ZNF469: variants seen among roughly 807,000 people sequenced by gnomAD.
ZNF469 encodes zinc finger protein 469.
A neutral mutation model predicts 1.0 loss-of-function variants in ZNF469; 1 was observed. That is an observed-to-expected ratio of 1.00 (90% confidence interval 0.35 to 4.73). The LOEUF is 4.73. Ranked by LOEUF, ZNF469 falls within the 30% of genes most tolerant of loss-of-function variation. The pLI is 0.16. For synonymous variants in ZNF469, 2,703 were observed against 2,363.4 expected (o/e 1.14, Z -4.17); for missense variants, 6,100 against 5,356.3 (o/e 1.14, Z -4.33).
chr16:88,263,046 C>A, the ZNF469 span, among the ~76,000 whole-genome samples: 1 of 152,200 alleles, frequency 6.6e-6, no homozygotes. Context: ...CTGTGAAAAT[C>A]CGGACTTTGA....
chr16:88,109,063 C>T, the ZNF469 span, among the ~76,000 whole-genome samples: 1 of 152,194 alleles, frequency 6.6e-6, no homozygotes, highest in South Asian at 2.1e-4. Flanking sequence ...TACGCAAAAG[C>T]AGAGAACAAA....
the ZNF469 span, among the ~76,000 whole-genome samples, chr16:88,341,899 G>C: frequency 2.6e-5 from 4 of 152,194 alleles, no homozygotes; most frequent in Non-Finnish European, 5.9e-5. Flanking sequence ...AAGGGCGCTG[G>C]CCATCTGGGA....
chr16:88,250,957 A>C, the ZNF469 span, among the ~76,000 whole-genome samples: 1 of 152,140 alleles, frequency 6.6e-6, no homozygotes, highest in Non-Finnish European at 1.5e-5. Context: ...GGCTCACTGC[A>C]AACTCTGCCT....
At chr16:88,405,915 C>T (rs1225566713) in intron 1 of ZNF469, among the ~76,000 whole-genome samples, 2 of 152,238 alleles carry the variant, frequency 1.3e-5, no homozygotes, top group Non-Finnish European at 2.9e-5. Flanking sequence ...CGACCCCCGC[C>T]CCCAAAACAC....
chr16:88,139,794 AC>A, the ZNF469 span, among the ~76,000 whole-genome samples: 1 of 152,218 alleles, frequency 6.6e-6, no homozygotes, highest in East Asian at 1.9e-4. Context: ...GAATCTCCAG[AC>A]CTTCTCGACA....
At chr16:88,312,286 C>T in the ZNF469 span, among the ~76,000 whole-genome samples, 33 of 152,320 alleles carry the variant, frequency 2.2e-4, no homozygotes, top group Non-Finnish European at 2.8e-4. Context: ...CCTATCAGTA[C>T]GGTAGTTCTA....
At chr16:88,307,005 C>A in the ZNF469 span, among the ~76,000 whole-genome samples, 2 of 152,198 alleles carry the variant, frequency 1.3e-5, no homozygotes, top group African/African-American at 4.8e-5. Context: ...CTTGTTCCTC[C>A]CCCTACTTCT....
the ZNF469 span, among the ~76,000 whole-genome samples, chr16:88,108,228 G>T: frequency 1.4e-5 from 2 of 147,796 alleles, no homozygotes; most frequent in South Asian, 4.2e-4. Context: ...CACGTCTGTG[G>T]GGATGCGGGG....
At chr16:88,201,362 C>T in the ZNF469 span, among the ~76,000 whole-genome samples, 1 of 152,170 alleles carries the variant, frequency 6.6e-6, no homozygotes, top group East Asian at 1.9e-4. The surrounding 1 kb of genome is among the most constrained non-coding windows in gnomAD (Gnocchi z 5.0). Flanking sequence ...CGAGACCAGC[C>T]TGGCCAACAT....
At chr16:88,305,427 C>T in the ZNF469 span, among the ~76,000 whole-genome samples, 1 of 151,038 alleles carries the variant, frequency 6.6e-6, no homozygotes, top group African/African-American at 2.4e-5. Flanking sequence ...CATGCACGCC[C>T]TCACACACGT....
chr16:88,265,284 A>G, the ZNF469 span, among the ~76,000 whole-genome samples: 1,574 of 128,888 alleles, frequency 0.012, no homozygotes, highest in African/African-American at 0.029. Context: ...GATCCAAGAA[A>G]TCAGGGGTGT....
At chr16:88,190,948 C>T in the ZNF469 span, among the ~76,000 whole-genome samples, 1 of 152,144 alleles carries the variant, frequency 6.6e-6, no homozygotes, top group African/African-American at 2.4e-5. Flanking sequence ...CTCTGACCTC[C>T]AGAACTGGGA....
chr16:88,292,360 G>A, the ZNF469 span, among the ~76,000 whole-genome samples: 276 of 152,266 alleles, frequency 1.8e-3, 1 homozygote, highest in African/African-American at 6.2e-3. Flanking sequence ...TGGGTAGCAG[G>A]GCCTGAGTGT....
the ZNF469 span, among the ~76,000 whole-genome samples, chr16:88,365,455 G>C: frequency 1.2e-4 from 18 of 152,316 alleles, 1 homozygote; most frequent in East Asian, 3.5e-3. Context: ...AAGGGGCCAA[G>C]CACCCATCTG....
At chr16:88,178,576 T>C in the ZNF469 span, 1 of 152,188 alleles carries the variant, frequency 6.6e-6, no homozygotes, top group Non-Finnish European at 1.5e-5. Flanking sequence ...GGGAGATGAC[T>C]TTTTCTCAGC....
Position 88,428,408 on chromosome 16 carries a change from G to C in ZNF469, c.938G>C (p.Trp313Ser). Residue 313 changes from tryptophan to serine, a missense_variant, in exon 3 of 3, where the codon TGG (tryptophan) becomes TCG (serine). Transcript: ENST00000565624. ...GCCTTCCATCAGCCCCAGGGAGCGT[G>C]GCCGGAGGAGGCCGTGGGCACGGGC... ...VFAFHQPQGA[W>S]PEEAVGTGPA... 6.5e-7 allele frequency: 1 copy of C among 1,548,104 alleles called. No homozygotes were observed. Among genetic ancestry groups the C allele is most frequent in the Non-Finnish European group, 8.7e-7 (1 of 1,146,834 alleles).
At chr16:88,142,539 C>A in the ZNF469 span, among the ~76,000 whole-genome samples, 1 of 152,218 alleles carries the variant, frequency 6.6e-6, no homozygotes, top group Non-Finnish European at 1.5e-5. Context: ...TGAGAAGGTC[C>A]TTATCAACAG....
chr16:88,367,081 A>T, the ZNF469 span, among the ~76,000 whole-genome samples: 6 of 152,300 alleles, frequency 3.9e-5, no homozygotes, highest in East Asian at 1.2e-3. Context: ...GGCAAGATCC[A>T]TGTCTTCCCC....
chr16:88,265,855 A>G, the ZNF469 span, among the ~76,000 whole-genome samples: 1 of 152,228 alleles, frequency 6.6e-6, no homozygotes, highest in Non-Finnish European at 1.5e-5. Context: ...CTCCAGGCTC[A>G]GCAGAGGTGG....
Sources: gnomAD v4.1 joint callset for allele counts (sites outside exome capture counted in the v4.1 genomes callset) on GRCh38, gnomAD v4.1.1 for gene constraint, Gnocchi (gnomAD v3.1) non-coding constraint, MANE v1.5 for transcripts, NCBI Gene and HGNC (gene_info 2026-07-23, HGNC 2026-07-21) for gene names.